Variants in ZCCHC2 observed in about 807,000 individuals in gnomAD.
ZCCHC2 encodes the protein zinc finger CCHC-type containing 2.
In ZCCHC2, 39 loss-of-function variants were observed where a neutral mutation model predicts 103.6. The observed-to-expected ratio is 0.38, with a 90% CI of 0.29 to 0.49. The LOEUF is 0.49. Ranked by LOEUF, ZCCHC2 falls within the 20% of genes least tolerant of loss-of-function variation. The probability of loss-of-function intolerance (pLI) is 0.96; values close to 1 mark genes in which losing one functional copy is unlikely to be tolerated. For synonymous variants in ZCCHC2, 687 were observed against 608.9 expected, an observed-to-expected ratio of 1.13 and a Z score of -1.89; for missense variants, 1,483 against 1,491.0, an observed-to-expected ratio of 0.99 and a Z score of 0.09.
intron 4 of ZCCHC2, among the ~76,000 whole-genome samples, chr18:62,549,627 G>A (rs571271260): frequency 1.9e-4 from 29 of 152,308 alleles, no homozygotes; most frequent in Admixed American, 1.2e-3. Flanking sequence ...CAAAGACTTG[G>A]AAAGTTGGCT....
chr18:62,576,423 A>C, intron 13 of ZCCHC2, 89 bp from the exon 14 acceptor site: 1 of 1,138,522 alleles, frequency 8.8e-7, no homozygotes, highest in Non-Finnish European at 1.3e-6. Context: ...TGCCTTGTGG[A>C]GAGCATGCCC....
intron 11 of ZCCHC2, among the ~76,000 whole-genome samples, chr18:62,566,692 C>T (rs1330458163): frequency 6.6e-6 from 1 of 152,194 alleles, no homozygotes; most frequent in Non-Finnish European, 1.5e-5. Flanking sequence ...AGCACGTGGA[C>T]GTTGGTCAGA....
rs1168223024 is a variant in ZCCHC2, at chr18:62,578,220, A to T, written c.*1641A>T. ...GATGAAAGCTTTAATTTAGAAAGAA[A>T]GTTCAAGTAAAGGAAATTATTTTGA... is the stretch of plus-strand genomic sequence containing the variant. On this transcript the variant is annotated 3_prime_UTR_variant, in exon 14 of 14. Coordinates refer to ENST00000269499, the MANE Select transcript of ZCCHC2 (RefSeq NM_017742.6). 6.6e-6 allele frequency: 1 copy of T among 152,582 alleles called. No homozygotes were observed. Among genetic ancestry groups the T allele is most frequent in the African/African-American group, 2.4e-5 (1 of 41,462 alleles). The allele number at this position is 152,582 out of a possible 1,614,324, so 9.5% of individuals were successfully genotyped here.
intron 10 of ZCCHC2, 47 bp from the exon 11 acceptor site, chr18:62,564,955 G>A: frequency 7.4e-7 from 1 of 1,358,768 alleles, no homozygotes; most frequent in Non-Finnish European, 1.0e-6. Flanking sequence ...GAATGTGTTT[G>A]GTAGATAACC....
chr18:62,553,202 G>A (rs1407960654), intron 5 of ZCCHC2, among the ~76,000 whole-genome samples: 1 of 126,218 alleles, frequency 7.9e-6, no homozygotes, highest in African/African-American at 3.0e-5. Flanking sequence ...GTGTGTGTGT[G>A]TATTTCCTTT....
intron 8 of ZCCHC2, among the ~76,000 whole-genome samples, chr18:62,562,060 A>G (rs940100325): frequency 1.3e-5 from 2 of 151,982 alleles, no homozygotes; most frequent in Admixed American, 6.6e-5. Context: ...GCAGTGGCGC[A>G]GTCTCAGCTC....
chr18:62,571,401 G>C (rs563409087), intron 12 of ZCCHC2, among the ~76,000 whole-genome samples: 2 of 152,284 alleles, frequency 1.3e-5, no homozygotes, highest in Non-Finnish European at 1.5e-5. Context: ...TAGGACAAGG[G>C]GAAAATGCCT....
At chr18:62,567,816 A>G (rs1916429882) in intron 11 of ZCCHC2, among the ~76,000 whole-genome samples, 1 of 151,808 alleles carries the variant, frequency 6.6e-6, no homozygotes, top group Non-Finnish European at 1.5e-5. Context: ...GTGGTGGTGC[A>G]CACCTGTAAT....
intron 8 of ZCCHC2, among the ~76,000 whole-genome samples, chr18:62,562,532 A>G (rs1181343567): frequency 2.0e-5 from 3 of 151,644 alleles, no homozygotes; most frequent in African/African-American, 7.3e-5. Flanking sequence ...AATCCTCAGT[A>G]TTGTATTTGT....
intron 3 of ZCCHC2, among the ~76,000 whole-genome samples, chr18:62,543,828 G>A (rs7229222): frequency 0.15 from 23,245 of 152,082 alleles, 2,306 homozygotes; most frequent in Non-Finnish European, 0.22. Context: ...CTCAGTCAGC[G>A]GAGACTTAAC....
At chr18:62,584,524 C>T (rs1917122649) in exon 15 of ZCCHC2, 1 of 152,216 alleles carries the variant, frequency 6.6e-6, no homozygotes, top group Admixed American at 6.5e-5. Context: ...GCAATGCCAC[C>T]TGGTGGGGGA....
intron 12 of ZCCHC2, among the ~76,000 whole-genome samples, chr18:62,571,461 C>T (rs574903194): frequency 2.0e-4 from 31 of 152,270 alleles, no homozygotes; most frequent in African/African-American, 6.7e-4. Flanking sequence ...AATAAACACT[C>T]GTCAGAGTGC....
At chr18:62,560,495 C>T in intron 7 of ZCCHC2, 92 bp from the exon 8 acceptor site, 1 of 981,300 alleles carries the variant, frequency 1.0e-6, no homozygotes, top group Non-Finnish European at 1.6e-6. Flanking sequence ...CCATCTGTCA[C>T]CAGTGGTTAT....
At chr18:62,545,895 A>G (rs544413402) in intron 4 of ZCCHC2, among the ~76,000 whole-genome samples, 1 of 152,314 alleles carries the variant, frequency 6.6e-6, no homozygotes, top group South Asian at 2.1e-4. Flanking sequence ...CAACTTGTAG[A>G]GCTTTGAATA....
chr18:62,582,926 A>T (rs150473549), downstream of ZCCHC2, among the ~76,000 whole-genome samples: 108 of 152,206 alleles, frequency 7.1e-4, 2 homozygotes, highest in East Asian at 0.015. Flanking sequence ...CAACATGACG[A>T]AACCCCATCT....
intron 4 of ZCCHC2, among the ~76,000 whole-genome samples, chr18:62,548,294 C>T (rs1426984923): frequency 2.0e-5 from 3 of 152,032 alleles, no homozygotes; most frequent in Non-Finnish European, 4.4e-5. Flanking sequence ...TTCTTTAGGA[C>T]TGCAAATATG....
rs377150583 is a variant in ZCCHC2 at position 62,537,488 on chromosome 18, A to G, written c.940-2193A>G. On this transcript the variant is annotated intron_variant, in intron 1 of 13. Coordinates refer to ENST00000269499, the MANE Select transcript of ZCCHC2 (RefSeq NM_017742.6). ...ACCTAGCCACTATTCTACTTTCTTTATCAACTTGACTATTCTAGGTATCTC... is the reference window on the plus strand; with the variant it reads ...ACCTAGCCACTATTCTACTTTCTTTGTCAACTTGACTATTCTAGGTATCTC... Among the ~76,000 whole-genome samples, 58 of 152,258 alleles carry G rather than the reference A, an allele frequency of 3.8e-4. 3 individuals are homozygous for G. The East Asian group carries it at 4.0e-3, about 11-fold the overall frequency.
rs1244727731 is a variant in ZCCHC2 at position 62,574,227 on chromosome 18, A to G, written c.2146A>G (p.Ile716Val). The change falls in exon 13 of 14, where the codon ATT becomes GTT. Residue 716 changes from isoleucine to valine, a missense_variant. Transcript: ENST00000269499. ...DPLNSPKYQH[I>V]SFMPTLHCVM... ...CTTAAACTCACCCAAGTATCAGCAT[A>G]TTTCTTTTATGCCAACGTTACACTG... 1 of 1,614,016 alleles carries G rather than the reference A, an allele frequency of 6.2e-7. No individual in the cohort carries two copies. Among genetic ancestry groups the G allele is most frequent in the Admixed American group, 1.7e-5 (1 of 60,026 alleles).
rs1231417272 is a variant in ZCCHC2, at chr18:62,523,704, G to A, written c.280G>A (p.Glu94Lys). The A allele has an allele frequency of 7.6e-6, 11 of 1,447,890 alleles. No individual in the cohort carries two copies. The highest frequency in any genetic ancestry group is 9.9e-6 in the Non-Finnish European group (11 of 1,106,010). 89.7% of individuals were successfully genotyped at this position (1,447,890 alleles called of 1,614,324 possible). The change falls in exon 1 of 14, where the codon GAG (glutamate) becomes AAG (lysine). Residue 94 changes from glutamate (E) to lysine (K), a missense_variant. This residue lies in a region of ZCCHC2 where 568 missense variants were observed against 525.1 expected (regional missense o/e 1.08). Coordinates refer to ENST00000269499, the MANE Select transcript of ZCCHC2 (RefSeq NM_017742.6). ...GGGGPSAALR[E>K]QERVYEWFGL... ...CGGGGGGCCCTCGGCGGCGCTGCGC[G>A]AGCAGGAGCGGGTATACGAGTGGTT...
Sources: gnomAD v4.1 joint callset for allele counts (sites outside exome capture counted in the v4.1 genomes callset) on GRCh38, gnomAD v4.1.1 for gene constraint, gnomAD v4.1.1 regional missense constraint, MANE v1.5 for transcripts, NCBI Gene and HGNC (gene_info 2026-07-23, HGNC 2026-07-21) for gene names.